ADAM23: variants seen among roughly 807,000 people sequenced by gnomAD.
ADAM23 encodes the protein ADAM metallopeptidase domain 23.
Under a neutral mutation model 120.1 loss-of-function variants are expected in ADAM23, and 33 were observed. That is an observed-to-expected ratio of 0.27 (90% CI 0.21 to 0.37). The LOEUF is 0.37. Among genes scored for constraint, ADAM23 ranks in the 10% least tolerant of loss-of-function variants. ADAM23 has a pLI of 1.00. For missense variants in ADAM23, 862 were observed against 1,058.2 expected (o/e 0.81, Z 2.57); for synonymous variants, 367 against 375.2 (o/e 0.98, Z 0.25).
chr2:206,477,702 A>G (rs1463684657), intron 2 of ADAM23, among the ~76,000 whole-genome samples: 1 of 151,908 alleles, frequency 6.6e-6, no homozygotes, highest in Non-Finnish European at 1.5e-5. Context: ...AAAGAAGAAC[A>G]ATACTGTAGG....
At chr2:206,502,103 A>C (rs533076701) in intron 3 of ADAM23, among the ~76,000 whole-genome samples, 1 of 152,134 alleles carries the variant, frequency 6.6e-6, no homozygotes, top group Admixed American at 6.6e-5. Context: ...ATGGTGGTGT[A>C]TAAAAAATGA....
chr2:206,506,809 T>G (rs891197111), intron 3 of ADAM23, among the ~76,000 whole-genome samples: 1 of 152,220 alleles, frequency 6.6e-6, no homozygotes, highest in Admixed American at 6.5e-5. Context: ...TAAGCAGGTG[T>G]GTAGTCATGT....
Position 206,548,320 on chromosome 2 carries a change from T to G in ADAM23, c.833T>G (p.Leu278Ter), listed in dbSNP as rs1697441162. Residue 278 changes from leucine to a stop codon, truncating the protein, a stop_gained, in exon 8 of 26, where the codon TTA becomes TGA. Coordinates refer to ENST00000264377, the MANE Select transcript of ADAM23 (RefSeq NM_003812.4). LOFTEE classifies it high-confidence loss of function. ...RGDQWPFLSE[L>*]QWLKRRKRAV... ...GACCAGTGGCCCTTTCTCTCTGAATTACAGTGGTTGAAAAGAAGGAAGAGA... is the reference window on the plus strand; with the variant it reads ...GACCAGTGGCCCTTTCTCTCTGAATGACAGTGGTTGAAAAGAAGGAAGAGA... The G allele has an allele frequency of 6.2e-7, 1 of 1,611,660 alleles. No homozygotes were observed. Among genetic ancestry groups the G allele is most frequent in the Non-Finnish European group, 8.5e-7 (1 of 1,179,964 alleles).
At chr2:206,490,120 G>T (rs145852906) in intron 3 of ADAM23, among the ~76,000 whole-genome samples, 1 of 152,168 alleles carries the variant, frequency 6.6e-6, no homozygotes, top group Non-Finnish European at 1.5e-5. Context: ...AAAAGAGAAA[G>T]TTTGGACACA....
chr2:206,467,250 C>G (rs1279574911), intron 2 of ADAM23, among the ~76,000 whole-genome samples: 1 of 152,182 alleles, frequency 6.6e-6, no homozygotes, highest in Non-Finnish European at 1.5e-5. Flanking sequence ...AGCATTAACT[C>G]AGAAGTCCAA....
chr2:206,459,639 A>G lies in ADAM23; in HGVS notation c.432+14115A>G, dbSNP rs555723412. ...TCTCTTCCTTGATACACAGACCTAC[A>G]TATCCAACTATTTAACCTATATCTC... On this transcript the variant is annotated intron_variant, in intron 2 of 25. Transcript: ENST00000264377. 1.3e-4 allele frequency among the ~76,000 whole-genome samples: 20 copies of G among 152,332 alleles called. No individual in the cohort carries two copies. In the South Asian group the frequency reaches 3.9e-3, roughly 30 times the overall value.
Position 206,565,029 on chromosome 2 carries a change from G to A in ADAM23, c.1355G>A (p.Cys452Tyr). 1 of 1,613,970 alleles carries A rather than the reference G, an allele frequency of 6.2e-7. No individual in the cohort carries two copies. The highest frequency in any genetic ancestry group is 8.5e-7 in the Non-Finnish European group (1 of 1,179,918). ...EPSSRKPKCD[C>Y]TESWGGCIME... ...TGTTTTATTGGACCAGAATGTGACT[G>A]CACAGAATCCTGGGGTGGCTGCATC... The change falls in exon 14 of 26, where the codon TGC (cysteine) becomes TAC (tyrosine). Residue 452 changes from cysteine (C) to tyrosine (Y), a missense_variant. Cys to Tyr is a radical substitution (Grantham distance 194). Coordinates refer to ENST00000264377, the MANE Select transcript of ADAM23 (RefSeq NM_003812.4).
At chr2:206,608,943 G>T (rs1321970412) in intron 24 of ADAM23, among the ~76,000 whole-genome samples, 2 of 152,182 alleles carry the variant, frequency 1.3e-5, no homozygotes, top group African/African-American at 2.4e-5. Context: ...AAAGTATTTT[G>T]TTGTTAGGGG....
chr2:206,548,182 C>T, intron 7 of ADAM23, 99 bp from the exon 8 acceptor site: 2 of 1,057,638 alleles, frequency 1.9e-6, no homozygotes, highest in Non-Finnish European at 2.8e-6. Context: ...CTTAGTTTGA[C>T]ATATATTATC....
intron 18 of ADAM23, among the ~76,000 whole-genome samples, chr2:206,584,158 C>T (rs532357903): frequency 1.3e-5 from 2 of 152,224 alleles, no homozygotes; most frequent in East Asian, 3.9e-4. Context: ...GTGAGTCTAC[C>T]CGGCTCCAGG....
intron 3 of ADAM23, among the ~76,000 whole-genome samples, chr2:206,495,824 A>G (rs1367525546): frequency 1.3e-5 from 2 of 152,212 alleles, no homozygotes; most frequent in African/African-American, 4.8e-5. Flanking sequence ...AGCCAATGGA[A>G]AACAAAAAAA....
chr2:206,548,455 T>G (rs1006789439), intron 8 of ADAM23, 101 bp downstream of exon 8: 21 of 1,122,868 alleles, frequency 1.9e-5, no homozygotes, highest in Admixed American at 6.9e-5. Flanking sequence ...GTTCAGATTT[T>G]GGGGACTGTT....
At chr2:206,570,349 C>G (rs1209746646) in intron 15 of ADAM23, among the ~76,000 whole-genome samples, 1 of 152,094 alleles carries the variant, frequency 6.6e-6, no homozygotes. Context: ...TTTATGGCTT[C>G]TCAGCTGTCT....
intron 13 of ADAM23, among the ~76,000 whole-genome samples, chr2:206,562,616 T>TGCTA (rs1289481250): frequency 1.3e-5 from 2 of 152,148 alleles, no homozygotes; most frequent in African/African-American, 4.8e-5. Context: ...ACGTACAAGG[T>TGCTA]GCTAGATAAA....
At chr2:206,569,986 A>G (rs1177479873) in intron 15 of ADAM23, among the ~76,000 whole-genome samples, 2 of 151,958 alleles carry the variant, frequency 1.3e-5, no homozygotes, top group Non-Finnish European at 1.5e-5. Context: ...TGCCCAGAGA[A>G]ATCCTGCCCC....
chr2:206,532,230 G>T (rs1452546714), intron 4 of ADAM23, among the ~76,000 whole-genome samples: 1 of 152,010 alleles, frequency 6.6e-6, no homozygotes, highest in Non-Finnish European at 1.5e-5. Context: ...GCCTGGAGTA[G>T]ACAAGATTGC....
rs1428488966 is a variant in ADAM23, at chr2:206,576,801, G to A, written c.1737+3606G>A. Among the ~76,000 whole-genome samples, 9 of 152,044 alleles carry A rather than the reference G, an allele frequency of 5.9e-5. No homozygotes were observed. In the South Asian group the frequency reaches 6.2e-4, roughly 11 times the overall value. ...TTATAATAGAATAAACAATACTTAC[G>A]TAATTAAGAGAAATCCTTGACAAAC... On this transcript the variant is annotated intron_variant, in intron 18 of 25. Transcript: ENST00000264377.
chr2:206,470,155 C>T (rs1379338951), intron 2 of ADAM23, among the ~76,000 whole-genome samples: 1 of 152,012 alleles, frequency 6.6e-6, no homozygotes, highest in Non-Finnish European at 1.5e-5. Context: ...TGATTATTTG[C>T]TTAATGAGTA....
intron 3 of ADAM23, among the ~76,000 whole-genome samples, chr2:206,508,162 TG>T (rs1448958860): frequency 6.6e-6 from 1 of 152,066 alleles, no homozygotes; most frequent in Non-Finnish European, 1.5e-5. Context: ...CCCGAGTAGC[TG>T]GGACTACAGG....
Sources: gnomAD v4.1 joint callset for allele counts (sites outside exome capture counted in the v4.1 genomes callset) on GRCh38, gnomAD v4.1.1 for gene constraint, MANE v1.5 for transcripts, NCBI Gene and HGNC (gene_info 2026-07-23, HGNC 2026-07-21) for gene names.